Variants in PCNX3 observed in about 807,000 individuals in gnomAD.
The protein encoded by PCNX3 is pecanex 3.
Under a neutral mutation model 207.2 loss-of-function variants are expected in PCNX3, and 58 were observed. That is an observed-to-expected ratio of 0.28 (90% confidence interval 0.23 to 0.35). The LOEUF (loss-of-function observed/expected upper bound fraction) is 0.35. Among genes scored for constraint, PCNX3 ranks in the 10% least tolerant of loss-of-function variants. PCNX3 has a pLI of 1.00. For missense variants in PCNX3, 2,410 were observed against 2,774.4 expected, an observed-to-expected ratio of 0.87 and a Z score of 2.95; for synonymous variants, 1,337 against 1,183.5, an observed-to-expected ratio of 1.13 and a Z score of -2.66.
intron 22 of PCNX3, among the ~76,000 whole-genome samples, chr11:65,627,967 A>G (rs1040339810): frequency 6.6e-6 from 1 of 152,122 alleles, no homozygotes; most frequent in Non-Finnish European, 1.5e-5. Flanking sequence ...TGAGTTTCAG[A>G]AGCCCCTAGT....
intron 8 of PCNX3, 88 bp from the exon 9 acceptor site, chr11:65,620,251 C>T (rs888724732): frequency 1.5e-6 from 2 of 1,320,834 alleles, no homozygotes; most frequent in Non-Finnish European, 1.0e-6. Context: ...AAGGTTCTGC[C>T]TCATTTGATG....
rs375106937 is a variant in PCNX3, at chr11:65,635,330, G to A, written c.5066G>A (p.Ser1689Asn). 2.0e-5 allele frequency: 32 copies of A among 1,605,220 alleles called. No individual in the cohort carries two copies. Among genetic ancestry groups the A allele is most frequent in the Non-Finnish European group, 2.6e-5 (31 of 1,176,790 alleles). The change falls in exon 31 of 35, where the codon AGC becomes AAC. Residue 1689 changes from serine (S) to asparagine (N), a missense_variant. Ser to Asn is a conservative substitution (Grantham distance 46). Around this residue, in one of 8 missense-constraint regions of PCNX3, gnomAD observed 420 missense variants for 705.3 expected, o/e 0.60. Transcript: ENST00000355703. The surrounding 1 kb of genome is among the most constrained non-coding windows in gnomAD (Gnocchi z 9.9). ...CATGAGGGTGACCCAGCATGGCGCA[G>A]CGCCATCCTCAGCAACACGCCCTCC... Reference protein sequence around the residue: ...ISHEGDPAWRSAILSNTPSLL... With the variant: ...ISHEGDPAWRNAILSNTPSLL...
intron 12 of PCNX3, 30 bp downstream of exon 12, chr11:65,623,674 C>G: frequency 6.2e-7 from 1 of 1,602,150 alleles, no homozygotes. Flanking sequence ...GTTTCCTTCC[C>G]CACCCGACTT....
intron 26 of PCNX3, 65 bp downstream of exon 26, chr11:65,629,800 A>G: frequency 6.6e-7 from 1 of 1,505,322 alleles, no homozygotes; most frequent in Non-Finnish European, 9.0e-7. Flanking sequence ...AGCTGTGTTC[A>G]ATAGCACGTG....
Position 65,627,036 on chromosome 11 carries a change from A to G in PCNX3, c.3512A>G (p.Lys1171Arg). The G allele has an allele frequency of 6.6e-7, 1 of 1,520,018 alleles. No homozygotes were observed. 94.2% of individuals were successfully genotyped at this position (1,520,018 alleles called of 1,614,324 possible). A position where few individuals can be genotyped will look rare whatever the true frequency, so the allele number is the denominator to read the frequency against. Residue 1171 changes from lysine to arginine, a missense_variant, in exon 21 of 35, where the codon AAG (lysine) becomes AGG (arginine). Physicochemically the swap from Lys to Arg is conservative, Grantham distance 26 (BLOSUM62 2). This residue lies in a region of PCNX3 where 333 missense variants were observed against 386.8 expected (regional missense o/e 0.86). Transcript: ENST00000355703. ...CACACAGTCGTCAGCCACCCGGACA[A>G]GTACTGCTTCTAGTGAGGACCACCC... ...DAHTVVSHPDKYCFYCRALLM... is the reference protein window; with the variant it reads ...DAHTVVSHPDRYCFYCRALLM...
chr11:65,623,442 C>G (rs1855215706), intron 11 of PCNX3, 49 bp from the exon 12 acceptor site: 1 of 1,534,738 alleles, frequency 6.5e-7, no homozygotes, highest in Non-Finnish European at 8.8e-7. Flanking sequence ...CACTGCCCCA[C>G]TGGAAGGTGA....
chr11:65,622,919 T>A (rs377127159), intron 11 of PCNX3, among the ~76,000 whole-genome samples: 109 of 152,316 alleles, frequency 7.2e-4, no homozygotes, highest in African/African-American at 2.5e-3. Flanking sequence ...TCACTTTTTT[T>A]TTATTAGCTT....
At position 65,625,736 on chromosome 11, in the gene PCNX3, G is replaced by A; in HGVS notation, c.3220G>A (p.Ala1074Thr). The A allele has an allele frequency of 6.2e-7, 1 of 1,609,466 alleles. No individual in the cohort carries two copies. The highest frequency in any genetic ancestry group is 1.3e-5 in the African/African-American group (1 of 75,036). ...CATCAGCGCCAGCACCGTCTTTATT[G>A]CCCTGAAGGTTTGTGTGGCATGGGC... The part of the protein sequence containing the change: ...FAISASTVFI[A>T]LKSVLGFVLY... Residue 1074 changes from alanine to threonine, a missense_variant, in exon 19 of 35, where the codon GCC becomes ACC. Physicochemically the swap from Ala to Thr is moderately conservative, Grantham distance 58. Around this residue, in one of 8 missense-constraint regions of PCNX3, gnomAD observed 333 missense variants for 386.8 expected, o/e 0.86. Transcript: ENST00000355703. This position sits in a 1 kb window ranked among gnomAD's most constrained non-coding sequence, Gnocchi z 5.6.
intron 11 of PCNX3, among the ~76,000 whole-genome samples, 154 bp from the exon 12 acceptor site, chr11:65,623,337 G>A (rs1436208694): frequency 2.6e-5 from 4 of 152,206 alleles, no homozygotes; most frequent in Admixed American, 6.5e-5. Context: ...GGGCCGCGTC[G>A]TCGCAAAGTT....
chr11:65,629,051 G>GCCA (rs1011585108), intron 24 of PCNX3, 103 bp downstream of exon 24: 1 of 1,500,790 alleles, frequency 6.7e-7, no homozygotes, highest in Non-Finnish European at 8.9e-7. Flanking sequence ...GCAGGTATGG[G>GCCA]AGGGCTTGGT....
chr11:65,620,536 G>A, intron 9 of PCNX3, 107 bp downstream of exon 9: 2 of 1,261,134 alleles, frequency 1.6e-6, no homozygotes, highest in Non-Finnish European at 2.2e-6. Flanking sequence ...TTGGGCAGGG[G>A]CAGCTCAGAT....
intron 20 of PCNX3, chr11:65,626,346 C>A (rs749600360): frequency 6.7e-6 from 4 of 601,238 alleles, no homozygotes; most frequent in South Asian, 6.1e-5. Flanking sequence ...CTGAAGGGAT[C>A]TCTTGTCCAG....
In PCNX3 at chr11:65,625,878, G is replaced by A. The variant is rs764950604; in HGVS notation, c.3229-26G>A. 6.2e-7 allele frequency: 1 copy of A among 1,607,806 alleles called. No individual in the cohort carries two copies. The highest frequency in any genetic ancestry group is 2.2e-5 in the East Asian group (1 of 44,816). On this transcript the variant is annotated intron_variant, in intron 19 of 34. Transcript: ENST00000355703. The surrounding 1 kb of genome is among the most constrained non-coding windows in gnomAD (Gnocchi z 5.6). ...GTCCCTTGGCCTGCTCCCATCAGCT[G>A]AGTCTCTGGCCTCTCCCTCCTGCAG... is the stretch of plus-strand genomic sequence containing the variant.
intron 20 of PCNX3, chr11:65,626,691 C>A: frequency 1.6e-6 from 1 of 622,180 alleles, no homozygotes; most frequent in Non-Finnish European, 2.8e-6. Context: ...GAGCAGAGCA[C>A]CTGCCATAAA....
chr11:65,618,458 A>T lies in PCNX3; in HGVS notation c.1096A>T (p.Ile366Phe), dbSNP rs1177388975. The part of the protein sequence containing the change: ...DDTLRSFDTV[I>F]GAGTPPGLAE... ...CACGCTGCGTTCCTTTGACACGGTC[A>T]TTGGAGCAGGGACGCCACCGGGCCT... The change falls in exon 6 of 35, where the codon ATT (isoleucine) becomes TTT (phenylalanine). Residue 366 changes from isoleucine (I) to phenylalanine (F), a missense_variant. Physicochemically the swap from Ile to Phe is conservative, Grantham distance 21 (BLOSUM62 0). Transcript: ENST00000355703. 12 of 1,610,310 alleles carry T rather than the reference A, an allele frequency of 7.5e-6. No individual in the cohort carries two copies. Among genetic ancestry groups the T allele is most frequent in the Non-Finnish European group, 1.0e-5 (12 of 1,178,868 alleles).
intron 11 of PCNX3, 43 bp downstream of exon 11, chr11:65,622,409 C>G: frequency 6.4e-7 from 1 of 1,564,814 alleles, no homozygotes; most frequent in Non-Finnish European, 8.6e-7. Flanking sequence ...TGGAAAGCCC[C>G]TGGACCTTGG....
Position 65,619,022 on chromosome 11 carries a change from C to A in PCNX3, c.1660C>A (p.Pro554Thr). The change falls in exon 6 of 35, where the codon CCC becomes ACC. Residue 554 changes from proline (P) to threonine (T), a missense_variant. Coordinates refer to ENST00000355703, the MANE Select transcript of PCNX3 (RefSeq NM_032223.4). Reference protein sequence around the residue: ...EARRGPAANQPGWRGELQEEG... With the variant: ...EARRGPAANQTGWRGELQEEG... ...GCGAAGGGGACCCGCTGCCAACCAG[C>A]CCGGCTGGCGGGGGGAGCTGCAGGA... 1 of 1,595,028 alleles carries A rather than the reference C, an allele frequency of 6.3e-7. No homozygotes were observed.
At position 65,637,377 on chromosome 11, in the gene PCNX3, C is replaced by CTT. The variant is rs377458419; in HGVS notation, c.*416_*417dup. Reference sequence around the variant, plus strand: ...TTCTTTCTTTCCTTTTTTTTCTTTTCTTTTTTTTTTTTTTTTTTGTGCTTC... The same window carrying CTT: ...TTCTTTCTTTCCTTTTTTTTCTTTTCTTTTTTTTTTTTTTTTTTTTGTGCTTC... On this transcript the variant is annotated 3_prime_UTR_variant, in exon 35 of 35. Transcript: ENST00000355703. 0.071 allele frequency: 9,422 copies of CTT among 132,798 alleles called. 768 individuals carry two copies. The highest frequency in any genetic ancestry group is 0.2 in the Admixed American group (2,611 of 13,268). The allele number at this position is 132,798 out of a possible 1,614,324, so 8.2% of individuals were successfully genotyped here.
intron 20 of PCNX3, 178 bp downstream of exon 20, chr11:65,626,232 A>G: frequency 1.1e-6 from 1 of 889,204 alleles, no homozygotes; most frequent in Non-Finnish European, 1.8e-6. Context: ...CTCTCCACCG[A>G]CTCTTCTCCT....
Sources: allele counts gnomAD v4.1 joint callset (sites outside exome capture counted in the v4.1 genomes callset), GRCh38; gene constraint gnomAD v4.1.1; regional missense constraint gnomAD v4.1.1; non-coding constraint Gnocchi (gnomAD v3.1); transcripts MANE v1.5; gene names NCBI Gene and HGNC (gene_info 2026-07-23, HGNC 2026-07-21).